The following LHPP variants were observed in gnomAD, a reference collection of about 807,000 sequenced individuals.
LHPP encodes the protein hLHPP.
LHPP carries 24 observed loss-of-function variants against 30.3 expected under a neutral mutation model. That is an observed-to-expected ratio of 0.79 (90% CI 0.57 to 1.11). LHPP has a LOEUF of 1.11. Among genes scored for constraint, LHPP ranks in the 50% most tolerant of loss-of-function variants. The probability of loss-of-function intolerance (pLI) is 0.00; values close to 1 mark genes in which losing one functional copy is unlikely to be tolerated. For synonymous variants in LHPP, 150 were observed against 157.1 expected (o/e 0.95, Z 0.34); for missense variants, 356 against 367.2 (o/e 0.97, Z 0.25).
chr10:124,536,163 G>T (rs561869939), intron 6 of LHPP, among the ~76,000 whole-genome samples: 1 of 152,262 alleles, frequency 6.6e-6, no homozygotes, highest in Non-Finnish European at 1.5e-5. Flanking sequence ...CCGCGTGTGC[G>T]TGCAGACTGG....
At chr10:124,570,826 A>G (rs1353484993) in intron 6 of LHPP, among the ~76,000 whole-genome samples, 9 of 152,252 alleles carry the variant, frequency 5.9e-5, no homozygotes. Context: ...GCTGAGTAAT[A>G]TTCCACTATG....
chr10:124,524,225 CCAGA>C (rs1954676231), intron 6 of LHPP, among the ~76,000 whole-genome samples: 1 of 152,044 alleles, frequency 6.6e-6, no homozygotes, highest in Non-Finnish European at 1.5e-5. Context: ...CCACCCAGCC[CCAGA>C]CAATCACTAA....
chr10:124,533,290 G>T (rs1426228775), intron 6 of LHPP, among the ~76,000 whole-genome samples: 1 of 152,232 alleles, frequency 6.6e-6, no homozygotes, highest in Non-Finnish European at 1.5e-5. Context: ...GGGACCATGT[G>T]CTCTGATTTG....
At chr10:124,597,764 G>A (rs747244961) in intron 6 of LHPP, among the ~76,000 whole-genome samples, 1 of 152,202 alleles carries the variant, frequency 6.6e-6, no homozygotes, top group African/African-American at 2.4e-5. Flanking sequence ...GCCCCTGGGT[G>A]GGGGGTGCAT....
intron 6 of LHPP, among the ~76,000 whole-genome samples, chr10:124,598,638 C>A (rs1948982906): frequency 4.0e-5 from 1 of 25,062 alleles, no homozygotes; most frequent in South Asian, 1.0e-3. Context: ...TCCGTCCGTC[C>A]ATCCATCCAT....
chr10:124,518,141 C>T (rs34689772), intron 6 of LHPP, among the ~76,000 whole-genome samples: 17,624 of 152,206 alleles, frequency 0.12, 1,412 homozygotes, highest in Non-Finnish European at 0.16. Flanking sequence ...TGGCTGAGTG[C>T]GAGGTGAGTG....
chr10:124,501,615 A>G (rs186976781), intron 5 of LHPP, among the ~76,000 whole-genome samples: 2,512 of 150,480 alleles, frequency 0.017, 40 homozygotes, highest in South Asian at 0.046. Flanking sequence ...AAAAAAAAAA[A>G]AAAAAAGAAA....
intron 6 of LHPP, chr10:124,526,200 C>G: frequency 2.0e-6 from 2 of 985,392 alleles, no homozygotes; most frequent in Non-Finnish European, 2.4e-6. Flanking sequence ...GGTGCTCACA[C>G]GTGCTCTTCT....
intron 2 of LHPP, 28 bp downstream of exon 2, chr10:124,484,354 C>T (rs1467533279): frequency 1.5e-5 from 24 of 1,595,170 alleles, no homozygotes; most frequent in South Asian, 7.7e-5. Flanking sequence ...CAGGACCTCA[C>T]GGGGGTGAAA....
chr10:124,555,373 T>TGGAGGAAG (rs1211088971), intron 6 of LHPP, among the ~76,000 whole-genome samples: 5 of 152,166 alleles, frequency 3.3e-5, no homozygotes, highest in Admixed American at 1.3e-4. Flanking sequence ...AGCTCCTCCC[T>TGGAGGAAG]GGAGGAAGGG....
At chr10:124,488,281 C>T in intron 2 of LHPP, 141 bp from the exon 3 acceptor site, 1 of 753,170 alleles carries the variant, frequency 1.3e-6, no homozygotes, top group Non-Finnish European at 2.2e-6. Context: ...GTGTCTACCT[C>T]CCATGGCAGC....
chr10:124,609,672 G>A (rs777377584), intron 6 of LHPP, among the ~76,000 whole-genome samples: 15 of 152,312 alleles, frequency 9.8e-5, no homozygotes, highest in Middle Eastern at 6.8e-3. Context: ...TCACCTTTCC[G>A]TTAGGAAGCT....
At chr10:124,465,906 C>A (rs1050924830) in intron 1 of LHPP, among the ~76,000 whole-genome samples, 2 of 152,236 alleles carry the variant, frequency 1.3e-5, no homozygotes, top group African/African-American at 4.8e-5. Context: ...CCTGTTTCAT[C>A]AATTTGACAA....
chr10:124,480,243 C>G (rs531817999), intron 1 of LHPP, among the ~76,000 whole-genome samples: 9 of 152,248 alleles, frequency 5.9e-5, no homozygotes, highest in Admixed American at 4.6e-4. Flanking sequence ...AAGGACAGAA[C>G]CCAATGGGAG....
At chr10:124,613,116 TG>T in intron 6 of LHPP, 147 bp from the exon 7 acceptor site, 1 of 684,700 alleles carries the variant, frequency 1.5e-6, no homozygotes, top group Non-Finnish European at 2.7e-6. Context: ...AGGAGGGGGA[TG>T]GCCAGTGGCC....
chr10:124,527,859 C>T (rs1954785054), intron 6 of LHPP, among the ~76,000 whole-genome samples: 1 of 152,074 alleles, frequency 6.6e-6, no homozygotes, highest in African/African-American at 2.4e-5. Flanking sequence ...TGGCCCACTG[C>T]AGCCTGGAAC....
At chr10:124,604,028 C>T (rs55799518) in intron 6 of LHPP, among the ~76,000 whole-genome samples, 39,649 of 152,156 alleles carry the variant, frequency 0.26, 5,764 homozygotes, top group East Asian at 0.41. Flanking sequence ...TGCCTCTTGA[C>T]CCCCAGGTCC....
At chr10:124,553,449 CTTTTTTTTT>C (rs35840555) in intron 6 of LHPP, among the ~76,000 whole-genome samples, 3 of 61,632 alleles carry the variant, frequency 4.9e-5, no homozygotes, top group African/African-American at 1.5e-4. Flanking sequence ...TACAGCCATT[CTTTTTTTTT>C]TTTTTTTTTT....
intron 5 of LHPP, among the ~76,000 whole-genome samples, chr10:124,508,943 G>A (rs1954233316): frequency 6.6e-6 from 1 of 152,072 alleles, no homozygotes; most frequent in Admixed American, 6.6e-5. Flanking sequence ...TGTGTGTCTT[G>A]GGGGTTTGGT....
Sources: gnomAD v4.1 joint callset for allele counts (sites outside exome capture counted in the v4.1 genomes callset) on GRCh38, gnomAD v4.1.1 for gene constraint, MANE v1.5 for transcripts, NCBI Gene and HGNC (gene_info 2026-07-23, HGNC 2026-07-21) for gene names.